The following RANBP9 variants were observed in gnomAD, a reference collection of about 807,000 sequenced individuals.
The protein encoded by RANBP9 is RAN binding protein 9.
Under a neutral mutation model 84.3 loss-of-function variants are expected in RANBP9, and 15 were observed. The ratio of observed to expected loss-of-function variants is 0.18; its 90% CI spans 0.12 to 0.27. The LOEUF is 0.27. RANBP9 is among the 10% of genes least tolerant of loss of function. The pLI is 1.00. For synonymous variants in RANBP9, 392 were observed against 349.6 expected, an observed-to-expected ratio of 1.12 and a Z score of -1.35; for missense variants, 809 against 912.8, an observed-to-expected ratio of 0.89 and a Z score of 1.46.
chr6:13,639,738 T>C lies in RANBP9; in HGVS notation c.1350A>G (p.Ile450Met). ...LLFTLKVRQF[I>M]EMVNGTDSEV... is the part of the protein sequence containing the mutation. ...CACTATCTGTACCATTCACCATTTCTATAAACTGACGCACTCTAAAGGAGA... is the reference window on the plus strand; with the variant it reads ...CACTATCTGTACCATTCACCATTTCCATAAACTGACGCACTCTAAAGGAGA... Residue 450 changes from isoleucine to methionine, a missense_variant, in exon 9 of 14, where the codon ATA (isoleucine) becomes ATG (methionine). Physicochemically the swap from Ile to Met is conservative, Grantham distance 10 (BLOSUM62 1). Around this residue, in one of 5 missense-constraint regions of RANBP9, gnomAD observed 216 missense variants for 329.0 expected, o/e 0.66. Transcript: ENST00000011619. 2 of 1,613,888 alleles carry C rather than the reference T, an allele frequency of 1.2e-6. No homozygotes were observed. The highest frequency in any genetic ancestry group is 1.7e-6 in the Non-Finnish European group (2 of 1,179,860).
chr6:13,626,452 A>G (rs1397349124), intron 12 of RANBP9, among the ~76,000 whole-genome samples: 1 of 152,232 alleles, frequency 6.6e-6, no homozygotes, highest in Non-Finnish European at 1.5e-5. Flanking sequence ...TTGGCAATTG[A>G]CAATCTAAGT....
intron 4 of RANBP9, 49 bp downstream of exon 4, chr6:13,657,057 TATA>T (rs1297324156): frequency 2.1e-6 from 3 of 1,452,698 alleles, no homozygotes; most frequent in Non-Finnish European, 2.8e-6. Context: ...ATCCTGGAAG[TATA>T]ATAATCTCCA....
chr6:13,694,330 C>T (rs545640330), intron 2 of RANBP9, among the ~76,000 whole-genome samples: 38 of 152,300 alleles, frequency 2.5e-4, no homozygotes, highest in African/African-American at 6.5e-4. Flanking sequence ...TTTAAAAGGA[C>T]TGTTCTATGA....
chr6:13,646,676 T>C (rs1475152642), intron 5 of RANBP9, among the ~76,000 whole-genome samples: 2 of 152,164 alleles, frequency 1.3e-5, no homozygotes, highest in African/African-American at 4.8e-5. Flanking sequence ...AATTCTCTGA[T>C]AAAACTATTT....
At chr6:13,704,894 G>C (rs899635806) in intron 1 of RANBP9, among the ~76,000 whole-genome samples, 11 of 151,974 alleles carry the variant, frequency 7.2e-5, no homozygotes, top group African/African-American at 2.2e-4. Context: ...ATGTCAGCCT[G>C]GGTTATACGC....
rs146336625 is a variant in RANBP9, at chr6:13,650,783, C to T, written c.927+1876G>A. Among the ~76,000 whole-genome samples the T allele has an allele frequency of 7.3e-4, 111 of 152,050 alleles. No individual in the cohort carries two copies. The South Asian group carries it at 7.7e-3, about 11-fold the overall frequency. ...ATGGGCATCAGCCTCGGCAACCTGG[C>T]GAAACCCCGTCTCTACCAAAAATAC... On this transcript the variant is annotated intron_variant, in intron 5 of 13. Coordinates refer to ENST00000011619, the MANE Select transcript of RANBP9 (RefSeq NM_005493.3).
intron 2 of RANBP9, among the ~76,000 whole-genome samples, chr6:13,675,086 C>T (rs1014335708): frequency 6.6e-6 from 1 of 152,180 alleles, no homozygotes; most frequent in South Asian, 2.1e-4. Flanking sequence ...ATCAACACCC[C>T]TATATCAACA....
At chr6:13,663,081 A>T (rs113526472) in intron 2 of RANBP9, among the ~76,000 whole-genome samples, 4,889 of 152,194 alleles carry the variant, frequency 0.032, 120 homozygotes, top group Non-Finnish European at 0.046. Context: ...CTCAGCAAAC[A>T]TTAATTAAAT....
chr6:13,654,666 A>T (rs1490262525), intron 4 of RANBP9, among the ~76,000 whole-genome samples: 1 of 152,248 alleles, frequency 6.6e-6, no homozygotes, highest in Admixed American at 6.5e-5. Context: ...TATGGTCTTT[A>T]TCACAAATAT....
In RANBP9 at chr6:13,639,419, C is replaced by A; in HGVS notation, c.1525+144G>T. ...GGTCTCGAACTCCTGACCTCGTGAT[C>A]CGCCCACCCTGGCCTCCCAAAGTGC... On this transcript the variant is annotated intron_variant, in intron 9 of 13. Transcript: ENST00000011619. 4 of 810,546 alleles carry A rather than the reference C, an allele frequency of 4.9e-6. No homozygotes were observed. In the South Asian group the frequency reaches 5.8e-5, roughly 12 times the overall value. The allele number at this position is 810,546 out of a possible 1,614,324, so 50.2% of individuals were successfully genotyped here. A position where few individuals can be genotyped will look rare whatever the true frequency, so the allele number is the denominator to read the frequency against.
At chr6:13,643,088 T>C (rs1765104193) in intron 6 of RANBP9, among the ~76,000 whole-genome samples, 1 of 152,180 alleles carries the variant, frequency 6.6e-6, no homozygotes, top group Admixed American at 6.5e-5. Context: ...ACAAAGTATG[T>C]ACAGAATACT....
intron 1 of RANBP9, among the ~76,000 whole-genome samples, chr6:13,703,491 T>G (rs964220053): frequency 2.0e-5 from 3 of 152,214 alleles, no homozygotes; most frequent in African/African-American, 7.2e-5. Context: ...AGACTATCCT[T>G]GTACCAGCAG....
rs1367779719 is a variant in RANBP9, at chr6:13,625,723, G to A, written c.1989C>T (p.Ser663=). The A allele has an allele frequency of 7.4e-6, 12 of 1,612,838 alleles. No homozygotes were observed. The East Asian group carries it at 2.2e-4, about 30-fold the overall frequency. ...TCGGGTCAAGCTGATTTCCAACTGG[G>A]CTGTTCCAGGGATCTGAATATGCTA... ...SLLAYSDPWN[S]PVGNQLDPIQ... Residue 663 remains serine, a synonymous_variant, in exon 13 of 14, where the codon AGC becomes AGT. Transcript: ENST00000011619.
At chr6:13,659,575 C>G (rs1554223970) in intron 2 of RANBP9, among the ~76,000 whole-genome samples, 1 of 151,982 alleles carries the variant, frequency 6.6e-6, no homozygotes, top group Non-Finnish European at 1.5e-5. Flanking sequence ...AGGAAGAAAA[C>G]ATAACACAAT....
chr6:13,627,586 C>T (rs1171913213), intron 12 of RANBP9, among the ~76,000 whole-genome samples: 5 of 145,140 alleles, frequency 3.4e-5, no homozygotes, highest in Non-Finnish European at 6.0e-5. Flanking sequence ...GCCAAGATCA[C>T]GCCACTGCAC....
At chr6:13,702,331 T>C (rs1229200002) in intron 1 of RANBP9, among the ~76,000 whole-genome samples, 3 of 152,126 alleles carry the variant, frequency 2.0e-5, no homozygotes, top group Non-Finnish European at 4.4e-5. Flanking sequence ...TAATCTCAGC[T>C]ATTCGGGAGG....
chr6:13,652,023 C>G (rs1339205664), intron 5 of RANBP9, among the ~76,000 whole-genome samples: 2 of 152,150 alleles, frequency 1.3e-5, no homozygotes, highest in Non-Finnish European at 2.9e-5. Flanking sequence ...TCTACATATC[C>G]ACTTGGCAGA....
chr6:13,688,385 CTAGA>C (rs974538575), intron 2 of RANBP9, among the ~76,000 whole-genome samples: 5 of 152,124 alleles, frequency 3.3e-5, no homozygotes, highest in African/African-American at 9.7e-5. Context: ...TGTAAGCTTC[CTAGA>C]TAGACTTCCC....
intron 2 of RANBP9, among the ~76,000 whole-genome samples, chr6:13,688,917 C>T (rs950003742): frequency 4.3e-5 from 6 of 139,580 alleles, no homozygotes; most frequent in Non-Finnish European, 9.0e-5. Flanking sequence ...CTTAGGGAGG[C>T]AGGAGGATAG....
Sources: allele counts gnomAD v4.1 joint callset (sites outside exome capture counted in the v4.1 genomes callset), GRCh38; gene constraint gnomAD v4.1.1; regional missense constraint gnomAD v4.1.1; transcripts MANE v1.5; gene names NCBI Gene and HGNC (gene_info 2026-07-23, HGNC 2026-07-21).